The following NUBPL variants were observed in gnomAD, a reference collection of about 807,000 sequenced individuals.
The protein encoded by NUBPL is iron-sulfur cluster transfer protein NUBPL.
A neutral mutation model predicts 45.7 loss-of-function variants in NUBPL; 31 were observed. That is an observed-to-expected ratio of 0.68 (90% CI 0.51 to 0.92). The LOEUF (loss-of-function observed/expected upper bound fraction) is 0.92. NUBPL is among the 40% of genes least tolerant of loss of function. NUBPL has a pLI of 0.00. For synonymous variants in NUBPL, 144 were observed against 140.9 expected, an observed-to-expected ratio of 1.02 and a Z score of -0.15; for missense variants, 401 against 398.7, an observed-to-expected ratio of 1.01 and a Z score of -0.05.
chr14:31,633,372 T>C (rs1357235056), intron 4 of NUBPL, among the ~76,000 whole-genome samples: 2 of 152,200 alleles, frequency 1.3e-5, no homozygotes, highest in Admixed American at 1.3e-4. Context: ...CAGAAACATA[T>C]TTGAGCATTT....
chr14:31,822,718 CA>C (rs569369611), intron 7 of NUBPL, among the ~76,000 whole-genome samples: 26 of 151,720 alleles, frequency 1.7e-4, no homozygotes, highest in African/African-American at 6.0e-4. Context: ...AATTTTACAC[CA>C]AAAAAAACTT....
chr14:31,856,523 A>G (rs1246157284), intron 10 of NUBPL, among the ~76,000 whole-genome samples: 2 of 152,182 alleles, frequency 1.3e-5, no homozygotes, highest in Non-Finnish European at 2.9e-5. Context: ...TAAAATGTCC[A>G]CAGTCCAAAG....
chr14:31,582,296 A>G (rs2033884553), intron 3 of NUBPL, among the ~76,000 whole-genome samples: 1 of 151,870 alleles, frequency 6.6e-6, no homozygotes, highest in Non-Finnish European at 1.5e-5. Context: ...CTTGTTTATG[A>G]ATGGAGTATT....
chr14:31,615,716 T>C (rs1350703234), intron 4 of NUBPL, among the ~76,000 whole-genome samples: 1 of 152,216 alleles, frequency 6.6e-6, no homozygotes, highest in Non-Finnish European at 1.5e-5. Flanking sequence ...TTTGGGTGGG[T>C]TCCAAGTCTT....
At chr14:31,562,360 G>T in intron 2 of NUBPL, 145 bp downstream of exon 2, 2 of 812,542 alleles carry the variant, frequency 2.5e-6, no homozygotes, top group South Asian at 2.0e-5. Context: ...GTTGGTAGCG[G>T]GTAGACGCTT....
chr14:31,630,201 G>C lies in NUBPL; in HGVS notation c.382+30822G>C, dbSNP rs571277324. 7.9e-5 allele frequency among the ~76,000 whole-genome samples: 12 copies of C among 152,270 alleles called. No individual in the cohort carries two copies. The East Asian group carries it at 2.3e-3, about 29-fold the overall frequency. On this transcript the variant is annotated intron_variant, in intron 4 of 10. Coordinates refer to ENST00000281081, the MANE Select transcript of NUBPL (RefSeq NM_025152.3). ...GACAATAAGGTATTGTGGTTATCAT[G>C]GACATTAGAGATGGAGAGAATTGTA... is the stretch of plus-strand genomic sequence containing the variant.
At chr14:31,705,358 C>T (rs928908705) in intron 6 of NUBPL, among the ~76,000 whole-genome samples, 4 of 152,202 alleles carry the variant, frequency 2.6e-5, no homozygotes, top group African/African-American at 7.2e-5. Context: ...CCGAGCGGGT[C>T]GCCGGCTGCT....
At chr14:31,648,851 C>T (rs2035924322) in intron 4 of NUBPL, among the ~76,000 whole-genome samples, 1 of 152,196 alleles carries the variant, frequency 6.6e-6, no homozygotes, top group Admixed American at 6.5e-5. Context: ...GTGTTTTCGC[C>T]AGGCTGGAGC....
At chr14:31,757,896 T>C (rs1253779331) in intron 6 of NUBPL, among the ~76,000 whole-genome samples, 1 of 152,096 alleles carries the variant, frequency 6.6e-6, no homozygotes, top group African/African-American at 2.4e-5. Context: ...TTTATTTTCT[T>C]CCCTTTTTTT....
intron 3 of NUBPL, 25 bp from the exon 4 acceptor site, chr14:31,599,264 T>C (rs991445609): frequency 1.9e-6 from 3 of 1,546,304 alleles, no homozygotes; most frequent in Non-Finnish European, 2.7e-6. Context: ...TGTTTTGTTT[T>C]ATATTTTTAT....
chr14:31,561,776 T>G (rs2033288263), intron 1 of NUBPL: 1 of 583,356 alleles, frequency 1.7e-6, no homozygotes, highest in East Asian at 2.8e-5. Context: ...TTTGGGTTAT[T>G]TATCAAATAG....
intron 7 of NUBPL, among the ~76,000 whole-genome samples, chr14:31,813,783 G>T (rs2039862883): frequency 1.3e-5 from 2 of 152,144 alleles, no homozygotes; most frequent in African/African-American, 2.4e-5. Context: ...AGAACATGTG[G>T]TGTTTGGTTA....
chr14:31,775,263 C>G (rs1290504380), intron 6 of NUBPL, among the ~76,000 whole-genome samples: 1 of 151,964 alleles, frequency 6.6e-6, no homozygotes, highest in African/African-American at 2.4e-5. Flanking sequence ...ACTAAGAATA[C>G]AAAAATTAGT....
At chr14:31,745,115 A>G (rs1000574333) in intron 6 of NUBPL, among the ~76,000 whole-genome samples, 3 of 151,748 alleles carry the variant, frequency 2.0e-5, no homozygotes, top group African/African-American at 4.8e-5. Flanking sequence ...GGTTTGTTAC[A>G]TATGTATACA....
Position 31,859,252 on chromosome 14 carries a change from T to G in NUBPL, c.*72T>G. The stretch of plus-strand genomic sequence containing the variant: ...CCTTTGGAAATCAGCAATGTGGTGA[T>G]GGAACCTACAGAAATAATAGAAATC... On this transcript the variant is annotated 3_prime_UTR_variant, in exon 11 of 11. Transcript: ENST00000281081. 1 of 1,073,394 alleles carries G rather than the reference T, an allele frequency of 9.3e-7. No homozygotes were observed. Among genetic ancestry groups the G allele is most frequent in the Non-Finnish European group, 1.5e-6 (1 of 688,542 alleles). 66.5% of individuals were successfully genotyped at this position (1,073,394 alleles called of 1,614,324 possible).
chr14:31,715,838 G>A (rs1392810983), intron 6 of NUBPL, among the ~76,000 whole-genome samples: 1 of 152,120 alleles, frequency 6.6e-6, no homozygotes, highest in Non-Finnish European at 1.5e-5. Flanking sequence ...TTATAAATCT[G>A]CCTTAGCTTA....
chr14:31,737,748 C>T (rs928713597), intron 6 of NUBPL, among the ~76,000 whole-genome samples: 3 of 152,146 alleles, frequency 2.0e-5, no homozygotes, highest in East Asian at 3.8e-4. Context: ...CATGCCACTT[C>T]GCTCTAGCCT....
intron 9 of NUBPL, among the ~76,000 whole-genome samples, chr14:31,846,923 T>A (rs964062987): frequency 3.1e-4 from 47 of 151,416 alleles, no homozygotes; most frequent in African/African-American, 1.1e-3. Flanking sequence ...ACCACTGCAC[T>A]CCAGCCTGGG....
chr14:31,675,006 G>A (rs760834378), intron 6 of NUBPL, among the ~76,000 whole-genome samples: 23 of 151,932 alleles, frequency 1.5e-4, no homozygotes, highest in Non-Finnish European at 2.6e-4. Flanking sequence ...GCTTGGTGGC[G>A]GGTGCCTGTA....
Sources: allele counts gnomAD v4.1 joint callset (sites outside exome capture counted in the v4.1 genomes callset), GRCh38; gene constraint gnomAD v4.1.1; transcripts MANE v1.5; gene names NCBI Gene and HGNC (gene_info 2026-07-23, HGNC 2026-07-21).